Variants in NDFIP2 observed in about 807,000 individuals in gnomAD.
NDFIP2 encodes the protein NEDD4 family-interacting protein 2.
Under a neutral mutation model 36.0 loss-of-function variants are expected in NDFIP2, and 19 were observed. The observed-to-expected ratio is 0.53, with a 90% CI of 0.37 to 0.77. NDFIP2 has a LOEUF of 0.77. NDFIP2 is among the 30% of genes least tolerant of loss of function. The probability of loss-of-function intolerance (pLI) is 0.00; values close to 1 mark genes in which losing one functional copy is unlikely to be tolerated. For missense variants in NDFIP2, 446 were observed against 435.8 expected (o/e 1.02, Z -0.21); for synonymous variants, 181 against 167.7 (o/e 1.08, Z -0.61).
rs182505506 is a variant in NDFIP2, at chr13:79,511,505, G to A, written c.322-9305G>A. On this transcript the variant is annotated intron_variant, in intron 1 of 7. Coordinates refer to ENST00000218652, the MANE Select transcript of NDFIP2 (RefSeq NM_019080.3). ...CTTACTAAATTATGGTGACTGCCTC[G>A]TAACAGTTGAATGATGAAATATTTC... 9.9e-5 allele frequency among the ~76,000 whole-genome samples: 15 copies of A among 152,236 alleles called. No homozygotes were observed. The East Asian group carries it at 1.7e-3, about 18-fold the overall frequency.
intron 4 of NDFIP2, among the ~76,000 whole-genome samples, chr13:79,542,011 TCA>T (rs1271510823): frequency 1.3e-5 from 2 of 152,196 alleles, no homozygotes; most frequent in Non-Finnish European, 2.9e-5. Flanking sequence ...ATAAAATGCC[TCA>T]GATACATGCC....
chr13:79,495,921 T>G (rs1187586169), intron 1 of NDFIP2, among the ~76,000 whole-genome samples: 1 of 151,902 alleles, frequency 6.6e-6, no homozygotes, highest in Non-Finnish European at 1.5e-5. Context: ...ATTAATATTG[T>G]ATCACTTCAT....
intron 1 of NDFIP2, among the ~76,000 whole-genome samples, chr13:79,490,770 A>C (rs778659653): frequency 1.3e-5 from 2 of 152,162 alleles, no homozygotes; most frequent in African/African-American, 4.8e-5. Context: ...TATTTCACCC[A>C]GTCTCTAAAT....
intron 1 of NDFIP2, among the ~76,000 whole-genome samples, chr13:79,500,156 G>T (rs1873601050): frequency 7.1e-6 from 1 of 140,192 alleles, no homozygotes; most frequent in African/African-American, 2.7e-5. Flanking sequence ...GGAACAGCTA[G>T]ATCCCCATGC....
chr13:79,497,595 T>C (rs1315238616), intron 1 of NDFIP2, among the ~76,000 whole-genome samples: 1 of 151,686 alleles, frequency 6.6e-6, no homozygotes, highest in African/African-American at 2.4e-5. Context: ...TTGCTCTCCG[T>C]TGGGAAGGTT....
chr13:79,540,198 G>A (rs1333642811), intron 4 of NDFIP2, among the ~76,000 whole-genome samples: 1 of 152,172 alleles, frequency 6.6e-6, no homozygotes, highest in East Asian at 1.9e-4. Context: ...GATATTCTGG[G>A]CAACTGGAAC....
In NDFIP2 at chr13:79,481,302, C is replaced by G. The variant is rs183195124; in HGVS notation, c.99C>G (p.Asn33Lys). 2.3e-3 allele frequency: 3,486 copies of G among 1,541,452 alleles called. 62 individuals carry two copies. In the African/African-American group the frequency reaches 0.039, roughly 17 times the overall value. The change falls in exon 1 of 8, where the codon AAC (asparagine) becomes AAG (lysine). Residue 33 changes from asparagine to lysine, a missense_variant. Asn to Lys is a moderately conservative substitution (Grantham distance 94, BLOSUM62 0). Around this residue, in one of 2 missense-constraint regions of NDFIP2, gnomAD observed 369 missense variants for 304.8 expected, o/e 1.21. Coordinates refer to ENST00000218652, the MANE Select transcript of NDFIP2 (RefSeq NM_019080.3). ...AGCTTCTCCGCGGAACCGCGACCAA[C>G]GCGGAGGTCTCGGCGGCCGCTGCGG... Reference protein sequence around the residue: ...APELLRGTATNAEVSAAAAGA... With the variant: ...APELLRGTATKAEVSAAAAGA...
chr13:79,535,711 C>T (rs1286855024), intron 3 of NDFIP2, among the ~76,000 whole-genome samples: 1 of 152,136 alleles, frequency 6.6e-6, no homozygotes, highest in Non-Finnish European at 1.5e-5. Context: ...ATATGAGTCT[C>T]CATTACCTGA....
chr13:79,533,778 G>A (rs1159130981), intron 3 of NDFIP2, among the ~76,000 whole-genome samples: 2 of 139,686 alleles, frequency 1.4e-5, no homozygotes, highest in African/African-American at 6.8e-5. Context: ...GACTGTTTAT[G>A]TTATCAGTAA....
chr13:79,518,200 G>A (rs1188776265), intron 1 of NDFIP2, among the ~76,000 whole-genome samples: 1 of 152,204 alleles, frequency 6.6e-6, no homozygotes, highest in Non-Finnish European at 1.5e-5. Flanking sequence ...TAGTCATTTA[G>A]TGCCTACTTG....
At chr13:79,531,897 T>G (rs1875031892) in intron 2 of NDFIP2, among the ~76,000 whole-genome samples, 1 of 152,256 alleles carries the variant, frequency 6.6e-6, no homozygotes, top group Non-Finnish European at 1.5e-5. Flanking sequence ...TCCTTTGCAT[T>G]CATAACTTGG....
At chr13:79,512,736 G>A (rs1874126534) in intron 1 of NDFIP2, among the ~76,000 whole-genome samples, 1 of 152,148 alleles carries the variant, frequency 6.6e-6, no homozygotes, top group Non-Finnish European at 1.5e-5. Flanking sequence ...TTCTTTGGTT[G>A]TGGGGATTGT....
Position 79,553,467 on chromosome 13 carries a change from A to G in NDFIP2, c.*954A>G, listed in dbSNP as rs995354159. 1 of 151,432 alleles carries G rather than the reference A, an allele frequency of 6.6e-6. No individual in the cohort carries two copies. The highest frequency in any genetic ancestry group is 6.6e-5 in the Admixed American group (1 of 15,190). The allele number at this position is 151,432 out of a possible 1,614,324, so 9.4% of individuals were successfully genotyped here. A position where few individuals can be genotyped will look rare whatever the true frequency, so the allele number is the denominator to read the frequency against. On this transcript the variant is annotated 3_prime_UTR_variant, in exon 8 of 8. Transcript: ENST00000218652. ...AGATAATTTTCAAAGTTAATTTTCT[A>G]AATAAGATAATTCTCATTTGTGTTT... is the stretch of plus-strand genomic sequence containing the variant.
chr13:79,499,592 A>G (rs1421254388), intron 1 of NDFIP2, among the ~76,000 whole-genome samples: 1 of 152,020 alleles, frequency 6.6e-6, no homozygotes, highest in Non-Finnish European at 1.5e-5. Flanking sequence ...CTAGCAATGA[A>G]CAAGTGGAAT....
intron 1 of NDFIP2, 66 bp from the exon 2 acceptor site, chr13:79,520,744 A>G (rs1322975655): frequency 7.0e-7 from 1 of 1,428,380 alleles, no homozygotes; most frequent in Non-Finnish European, 9.4e-7. Context: ...AAATGATAAA[A>G]TCAGCTTAAA....
intron 6 of NDFIP2, 88 bp downstream of exon 6, chr13:79,548,482 A>C: frequency 1.9e-6 from 2 of 1,049,396 alleles, no homozygotes; most frequent in Non-Finnish European, 1.4e-6. Context: ...TTTATGTGGA[A>C]ATTATTTTTC....
At chr13:79,509,095 A>G (rs1044006184) in intron 1 of NDFIP2, among the ~76,000 whole-genome samples, 3 of 152,182 alleles carry the variant, frequency 2.0e-5, no homozygotes, top group African/African-American at 7.2e-5. Context: ...ACAGGTCTCA[A>G]TTAATTTAGG....
In NDFIP2 at chr13:79,551,850, A is replaced by G. The variant is rs572347765; in HGVS notation, c.*3-666A>G. ...TATTCTACTTTTTAAAGCAAGTACC[A>G]TGTACTTTATACCTATAAATAAGGT... On this transcript the variant is annotated intron_variant, in intron 7 of 7. Transcript: ENST00000218652. Among the ~76,000 whole-genome samples, 24 of 151,482 alleles carry G rather than the reference A, an allele frequency of 1.6e-4. No individual in the cohort carries two copies. The South Asian group carries it at 4.8e-3, about 30-fold the overall frequency.
chr13:79,487,396 A>C (rs1316235857), intron 1 of NDFIP2, among the ~76,000 whole-genome samples: 2 of 152,214 alleles, frequency 1.3e-5, no homozygotes, highest in Non-Finnish European at 2.9e-5. Flanking sequence ...AAATCGAATG[A>C]ATACACTGCA....
Sources: allele counts gnomAD v4.1 joint callset (sites outside exome capture counted in the v4.1 genomes callset), GRCh38; gene constraint gnomAD v4.1.1; regional missense constraint gnomAD v4.1.1; transcripts MANE v1.5; gene names NCBI Gene and HGNC (gene_info 2026-07-23, HGNC 2026-07-21).